SLC25A48: variants seen among roughly 807,000 people sequenced by gnomAD.
SLC25A48 encodes the protein solute carrier family 25 member 48, also known as CTC-321K16.1.
SLC25A48 carries 29 observed loss-of-function variants against 32.2 expected under a neutral mutation model. The ratio of observed to expected loss-of-function variants is 0.90; its 90% CI spans 0.67 to 1.23. SLC25A48 has a LOEUF of 1.23. SLC25A48 is among the 50% of genes most tolerant of loss of function. The pLI, the probability that SLC25A48 is intolerant of heterozygous loss-of-function variation, is 0.00. For missense variants in SLC25A48, 399 were observed against 422.7 expected (o/e 0.94, Z 0.49); for synonymous variants, 164 against 172.3 (o/e 0.95, Z 0.38).
intron 3 of SLC25A48, among the ~76,000 whole-genome samples, chr5:135,800,585 T>C (rs1757296072): frequency 6.6e-6 from 1 of 151,798 alleles, no homozygotes; most frequent in Admixed American, 6.6e-5. Context: ...TTATGCCCAA[T>C]ATCGCAGTGG....
chr5:135,719,240 C>T lies in SLC25A48; in HGVS notation c.-521+84284C>T, dbSNP rs78257687. ...AGCCTGCGTTTACATTTTACAAATCCGGGATTTATTTTTCCCTTTGAGATT... is the reference window on the plus strand; with the variant it reads ...AGCCTGCGTTTACATTTTACAAATCTGGGATTTATTTTTCCCTTTGAGATT... On this transcript the variant is annotated intron_variant, in intron 3 of 10. Transcript: ENST00000646290. Among the ~76,000 whole-genome samples, 765 of 152,130 alleles carry T rather than the reference C, an allele frequency of 5.0e-3. 5 individuals are homozygous for T. The highest frequency in any genetic ancestry group is 0.017 in the African/African-American group (715 of 41,504).
intron 1 of SLC25A48, among the ~76,000 whole-genome samples, chr5:135,586,221 G>A (rs551971844): frequency 1.8e-4 from 28 of 152,050 alleles, no homozygotes; most frequent in South Asian, 4.1e-4. Context: ...GTGGGGGGAC[G>A]CTCCCTACCT....
intron 3 of SLC25A48, among the ~76,000 whole-genome samples, chr5:135,740,392 A>C (rs748176749): frequency 6.6e-6 from 1 of 152,076 alleles, no homozygotes; most frequent in South Asian, 2.1e-4. Context: ...ACAGGGTTTC[A>C]CCATGTTGGT....
At chr5:135,860,554 AG>A (rs1331623048) in intron 4 of SLC25A48, among the ~76,000 whole-genome samples, 2 of 152,184 alleles carry the variant, frequency 1.3e-5, no homozygotes, top group Non-Finnish European at 2.9e-5. Context: ...GAAGGCAAAA[AG>A]GTAGATTTTT....
intron 3 of SLC25A48, among the ~76,000 whole-genome samples, chr5:135,698,995 A>T (rs545193338): frequency 6.6e-6 from 1 of 152,242 alleles, no homozygotes; most frequent in Admixed American, 6.5e-5. Context: ...TAAAATATTA[A>T]CTCACACCCA....
chr5:135,704,745 G>A (rs2126969102), intron 3 of SLC25A48, among the ~76,000 whole-genome samples: 1 of 152,304 alleles, frequency 6.6e-6, no homozygotes, highest in African/African-American at 2.4e-5. Context: ...AACTTGGCCA[G>A]CATAACACGT....
At chr5:135,865,870 G>C (rs2126786906) in intron 4 of SLC25A48, among the ~76,000 whole-genome samples, 1 of 152,294 alleles carries the variant, frequency 6.6e-6, no homozygotes, top group East Asian at 1.9e-4. Flanking sequence ...AAACAAATAT[G>C]TAAGGAAGCT....
At chr5:135,790,661 T>C (rs753670958) in intron 3 of SLC25A48, among the ~76,000 whole-genome samples, 2 of 151,954 alleles carry the variant, frequency 1.3e-5, no homozygotes, top group Non-Finnish European at 2.9e-5. Flanking sequence ...CCTGTGTTAT[T>C]ATTTGTAATA....
chr5:135,719,210 T>G (rs1754887674), intron 3 of SLC25A48, among the ~76,000 whole-genome samples: 1 of 152,218 alleles, frequency 6.6e-6, no homozygotes, highest in Non-Finnish European at 1.5e-5. Flanking sequence ...CACAGTAAGT[T>G]GAAGAGCCTG....
At chr5:135,832,044 G>T (rs1323056517), upstream of SLC25A48, among the ~76,000 whole-genome samples, 5 of 152,184 alleles carry the variant, frequency 3.3e-5, no homozygotes, top group Non-Finnish European at 7.3e-5. Flanking sequence ...TGTTTTGGGT[G>T]GCCACTGGGT....
chr5:135,870,162 G>A (rs1761523254), intron 4 of SLC25A48, among the ~76,000 whole-genome samples: 1 of 152,222 alleles, frequency 6.6e-6, no homozygotes, highest in Non-Finnish European at 1.5e-5. Context: ...TTACCAGCAT[G>A]TGTAAAATCA....
intron 3 of SLC25A48, among the ~76,000 whole-genome samples, chr5:135,657,000 C>A (rs1478774568): frequency 6.6e-6 from 1 of 152,162 alleles, no homozygotes; most frequent in Non-Finnish European, 1.5e-5. Context: ...AGTATATCCT[C>A]CATCTCAGGG....
intron 4 of SLC25A48, among the ~76,000 whole-genome samples, chr5:135,815,735 C>T (rs1470205528): frequency 2.0e-5 from 3 of 152,202 alleles, no homozygotes; most frequent in South Asian, 2.1e-4. Flanking sequence ...AGAAGGGATA[C>T]GTGTAGTCAG....
chr5:135,692,344 G>A (rs1362130532), intron 3 of SLC25A48, among the ~76,000 whole-genome samples: 1 of 148,486 alleles, frequency 6.7e-6, no homozygotes, highest in Non-Finnish European at 1.5e-5. Flanking sequence ...AAGGTAGTCA[G>A]TAGCTCGTGC....
intron 3 of SLC25A48, among the ~76,000 whole-genome samples, chr5:135,654,097 A>T (rs1314669889): frequency 6.6e-6 from 1 of 152,298 alleles, no homozygotes; most frequent in South Asian, 2.1e-4. Flanking sequence ...TCAGCAGGAG[A>T]GACAAAAATG....
Position 135,874,105 on chromosome 5 carries a change from A to G in SLC25A48, c.764A>G (p.Lys255Arg). Reference sequence around the variant, plus strand: ...GATGGGGTTTATTTAAACAAATATAAAGGTGTCCTGGACTGTATCTCCCAG... The same window carrying G: ...GATGGGGTTTATTTAAACAAATATAGAGGTGTCCTGGACTGTATCTCCCAG... ...QADGVYLNKY[K>R]GVLDCISQSY... Residue 255 changes from lysine to arginine, a missense_variant, in exon 6 of 8, where the codon AAA becomes AGA. Coordinates refer to ENST00000681962, the MANE Select transcript of SLC25A48 (RefSeq NM_001349336.2). 6.6e-7 allele frequency: 1 copy of G among 1,519,882 alleles called. No homozygotes were observed. 94.1% of individuals were successfully genotyped at this position (1,519,882 alleles called of 1,614,324 possible).
intron 1 of SLC25A48, among the ~76,000 whole-genome samples, chr5:135,838,580 G>A (rs1282837463): frequency 6.6e-6 from 1 of 152,204 alleles, no homozygotes; most frequent in African/African-American, 2.4e-5. Context: ...ATGGTTTCCT[G>A]GGCTGGGCCC....
At chr5:135,796,263 A>G (rs1757172663) in intron 3 of SLC25A48, among the ~76,000 whole-genome samples, 1 of 150,926 alleles carries the variant, frequency 6.6e-6, no homozygotes, top group African/African-American at 2.4e-5. Flanking sequence ...TCACGCCGCG[A>G]TGTGGTTCAC....
chr5:135,717,835 A>G (rs1754843570), intron 3 of SLC25A48, among the ~76,000 whole-genome samples: 1 of 152,194 alleles, frequency 6.6e-6, no homozygotes, highest in Non-Finnish European at 1.5e-5. Flanking sequence ...TGTTCTTTGA[A>G]TATTGTCAGT....
Sources: gnomAD v4.1 joint callset for allele counts (sites outside exome capture counted in the v4.1 genomes callset) on GRCh38, gnomAD v4.1.1 for gene constraint, MANE v1.5 for transcripts, NCBI Gene and HGNC (gene_info 2026-07-23, HGNC 2026-07-21) for gene names.